Variants in CHST8 observed in about 807,000 individuals in gnomAD.
CHST8 encodes carbohydrate sulfotransferase 8, also known as GALNAC-4-ST1.
In CHST8, 10 loss-of-function variants were observed where a neutral mutation model predicts 15.0. That is an observed-to-expected ratio of 0.67 (90% confidence interval 0.41 to 1.13). The LOEUF (loss-of-function observed/expected upper bound fraction) is 1.13, where lower values mean the gene tolerates loss of function less well. Among genes scored for constraint, CHST8 ranks in the 50% most tolerant of loss-of-function variants. The pLI is 0.00. For missense variants in CHST8, 634 were observed against 608.2 expected (o/e 1.04, Z -0.45); for synonymous variants, 259 against 256.6 (o/e 1.01, Z -0.09).
chr19:33,697,392 C>T (rs1415631812), intron 3 of CHST8, among the ~76,000 whole-genome samples: 3 of 151,426 alleles, frequency 2.0e-5, no homozygotes, highest in East Asian at 2.0e-4. Context: ...TCTTCACACC[C>T]GTCTAACTTT....
chr19:33,773,177 G>A lies in CHST8; in HGVS notation c.*114G>A, dbSNP rs1975049686. The A allele has an allele frequency of 8.0e-7, 1 of 1,256,774 alleles. No homozygotes were observed. 77.9% of individuals were successfully genotyped at this position (1,256,774 alleles called of 1,614,324 possible). On this transcript the variant is annotated 3_prime_UTR_variant, in exon 5 of 5. Transcript: ENST00000650847. ...AGCAACAGGGCTCTGAGGACGTGAG[G>A]AGCCATCGCTGTGGGAGGCAGCAGG...
chr19:33,690,176 A>G, intron 3 of CHST8, among the ~76,000 whole-genome samples: 1 of 152,172 alleles, frequency 6.6e-6, no homozygotes, highest in East Asian at 1.9e-4. Context: ...TGTTAGGGGC[A>G]GTTCCATGAA....
At chr19:33,735,264 G>T (rs78168910) in intron 3 of CHST8, among the ~76,000 whole-genome samples, 1,592 of 152,308 alleles carry the variant, frequency 0.01, 18 homozygotes, top group Non-Finnish European at 0.018. Context: ...GGGGAGGGAG[G>T]GGGTACTTGG....
rs762023019 is a variant in CHST8 at position 33,772,914 on chromosome 19, C to A, written c.1126C>A (p.Arg376=). The A allele has an allele frequency of 5.0e-6, 8 of 1,613,362 alleles. No individual in the cohort carries two copies. The highest frequency in any genetic ancestry group is 2.7e-5 in the African/African-American group (2 of 74,956). ...CCTGACCTTCCCCCGGTTCAAGGAC[C>A]GGCACTCGCAGGAGGCGCGGACCAC... is the stretch of plus-strand genomic sequence containing the variant. ...RNLTFPRFKD[R]HSQEARTTAR... The change falls in exon 5 of 5, where the codon CGG becomes AGG. Residue 376 remains arginine (R), a synonymous_variant. Transcript: ENST00000650847.
rs61384911 is a variant in CHST8, at chr19:33,654,361, C to T, written c.-163-13406C>T. 1.9e-3 allele frequency among the ~76,000 whole-genome samples: 285 copies of T among 152,086 alleles called. 5 individuals carry two copies. In the East Asian group the frequency reaches 0.025, roughly 13 times the overall value. On this transcript the variant is annotated intron_variant, in intron 1 of 4. Coordinates refer to ENST00000650847, the MANE Select transcript of CHST8 (RefSeq NM_001127895.2). The stretch of plus-strand genomic sequence containing the variant: ...TCTAGTCTTTCTGCTTGTTTATCAG[C>T]TTGTTTTTCCTCATGGCGAATCATT...
rs561261841 is a variant in CHST8, at chr19:33,630,016, G to A, written c.-164+7720G>A. Among the ~76,000 whole-genome samples, 32 of 151,864 alleles carry A rather than the reference G, an allele frequency of 2.1e-4. 1 individual carries two copies. In the South Asian group the frequency reaches 6.0e-3, roughly 29 times the overall value. On this transcript the variant is annotated intron_variant, in intron 1 of 4. Coordinates refer to ENST00000650847, the MANE Select transcript of CHST8 (RefSeq NM_001127895.2). ...CCCTAGCCCGGGCACAGACTGACTC[G>A]CACTTGGCAGACAAGTCGTCCCCAC...
At chr19:33,770,114 T>A (rs1974943869) in intron 3 of CHST8, among the ~76,000 whole-genome samples, 1 of 152,188 alleles carries the variant, frequency 6.6e-6, no homozygotes, top group South Asian at 2.1e-4. Context: ...TGGCTGAGTC[T>A]GTAAAACTGG....
chr19:33,732,609 A>G (rs1368794945), intron 3 of CHST8, among the ~76,000 whole-genome samples: 1 of 152,100 alleles, frequency 6.6e-6, no homozygotes, highest in East Asian at 1.9e-4. Context: ...AAGGATACCC[A>G]TAGATAGAAC....
chr19:33,718,972 G>A (rs954611347), intron 3 of CHST8, among the ~76,000 whole-genome samples: 3 of 152,074 alleles, frequency 2.0e-5, no homozygotes, highest in African/African-American at 7.2e-5. Context: ...GCACTACAGG[G>A]GCTCTGGACT....
At chr19:33,629,002 C>T (rs550270310) in intron 1 of CHST8, among the ~76,000 whole-genome samples, 23 of 152,300 alleles carry the variant, frequency 1.5e-4, no homozygotes, top group African/African-American at 4.3e-4. Context: ...TTGGTTCTTC[C>T]ACTGCCTTCC....
chr19:33,625,800 TG>T (rs1408827688), intron 1 of CHST8, among the ~76,000 whole-genome samples: 3 of 152,224 alleles, frequency 2.0e-5, no homozygotes, highest in African/African-American at 2.4e-5. Context: ...AGACAGAAGT[TG>T]CAGTGAGCCG....
At chr19:33,723,339 CAT>C (rs2145313562) in intron 3 of CHST8, among the ~76,000 whole-genome samples, 1 of 152,244 alleles carries the variant, frequency 6.6e-6, no homozygotes, top group East Asian at 1.9e-4. Flanking sequence ...CACCTAGGAG[CAT>C]ATGTTTGACC....
intron 3 of CHST8, among the ~76,000 whole-genome samples, chr19:33,704,562 G>GT (rs1223199807): frequency 6.6e-6 from 1 of 152,244 alleles, no homozygotes; most frequent in Non-Finnish European, 1.5e-5. Context: ...GTGCAGGAGT[G>GT]TAAGTCCAGG....
At chr19:33,681,660 G>A (rs919317387) in intron 2 of CHST8, among the ~76,000 whole-genome samples, 1 of 152,166 alleles carries the variant, frequency 6.6e-6, no homozygotes, top group African/African-American at 2.4e-5. Context: ...TCTCACACCA[G>A]AGCTGCAGGG....
intron 3 of CHST8, among the ~76,000 whole-genome samples, chr19:33,726,534 T>C (rs1407899714): frequency 1.3e-5 from 2 of 151,902 alleles, no homozygotes; most frequent in Non-Finnish European, 2.9e-5. Flanking sequence ...CAAGACCCTG[T>C]CTCAATAATA....
At chr19:33,682,623 T>C (rs1317123135) in intron 2 of CHST8, among the ~76,000 whole-genome samples, 1 of 152,216 alleles carries the variant, frequency 6.6e-6, no homozygotes, top group Admixed American at 6.5e-5. Flanking sequence ...GGACTACTCC[T>C]GGTACTTCAC....
chr19:33,702,078 G>C lies in CHST8; in HGVS notation c.130+12687G>C, dbSNP rs557914210. ...CAACTTCCGCCTCCCAAGTTCAAGC[G>C]ATTCTCCTGTCTCAGCCTCCCGAGT... On this transcript the variant is annotated intron_variant, in intron 3 of 4. Transcript: ENST00000650847. 3.3e-5 allele frequency among the ~76,000 whole-genome samples: 5 copies of C among 152,082 alleles called. No individual in the cohort carries two copies. The South Asian group carries it at 1.0e-3, about 32-fold the overall frequency.
chr19:33,705,572 G>A lies in CHST8; in HGVS notation c.130+16181G>A, dbSNP rs148179134. On this transcript the variant is annotated intron_variant, in intron 3 of 4. Transcript: ENST00000650847. ...ATCAATTCAAGCAAAGCTTTCCTGC[G>A]AGTGGGCACTCTCTCCAGTATCTAC... Among the ~76,000 whole-genome samples, 87 of 152,338 alleles carry A rather than the reference G, an allele frequency of 5.7e-4. 1 individual carries two copies. The highest frequency in any genetic ancestry group is 5.1e-3 in the Admixed American group (78 of 15,310).
At chr19:33,682,750 C>T (rs1972911679) in intron 2 of CHST8, among the ~76,000 whole-genome samples, 1 of 152,236 alleles carries the variant, frequency 6.6e-6, no homozygotes, top group Non-Finnish European at 1.5e-5. Context: ...TTTTGATTGA[C>T]ACATGCAAGC....
Sources: gnomAD v4.1 joint callset for allele counts (sites outside exome capture counted in the v4.1 genomes callset) on GRCh38, gnomAD v4.1.1 for gene constraint, MANE v1.5 for transcripts, NCBI Gene and HGNC (gene_info 2026-07-23, HGNC 2026-07-21) for gene names.